The following CPNE7 variants were observed in gnomAD, a reference collection of about 807,000 sequenced individuals.
CPNE7 encodes the protein copine-7.
A neutral mutation model predicts 66.5 loss-of-function variants in CPNE7; 78 were observed. That is an observed-to-expected ratio of 1.17 (90% confidence interval 0.98 to 1.42). CPNE7 has a LOEUF of 1.42. Ranked by LOEUF, CPNE7 falls within the 40% of genes most tolerant of loss-of-function variation. The pLI is 0.00. For synonymous variants in CPNE7, 468 were observed against 336.7 expected (o/e 1.39, Z -4.27); for missense variants, 1,012 against 776.6 (o/e 1.30, Z -3.60).
At chr16:89,578,867 A>C in intron 2 of CPNE7, 2 of 1,611,832 alleles carry the variant, frequency 1.2e-6, no homozygotes, top group South Asian at 2.2e-5. Flanking sequence ...CCAGCCCAAA[A>C]GTGGCTTCTG....
At chr16:89,577,852 C>T (rs963712394) in intron 2 of CPNE7, 131 bp downstream of exon 2, 2 of 709,434 alleles carry the variant, frequency 2.8e-6, no homozygotes, top group African/African-American at 1.8e-5. Flanking sequence ...TCCTCAGCTC[C>T]TCCTGAACAG....
intron 2 of CPNE7, among the ~76,000 whole-genome samples, chr16:89,579,828 ACACCCATCACACGGAACATCT>A (rs1487846156): frequency 5.0e-5 from 2 of 40,314 alleles, no homozygotes; most frequent in East Asian, 5.1e-4. Context: ...GGAACATCCC[ACACCCATCACACGGAACATCT>A]CACCCATCAC....
intron 13 of CPNE7, among the ~76,000 whole-genome samples, chr16:89,591,499 C>T (rs966913382): frequency 2.6e-5 from 4 of 152,348 alleles, no homozygotes; most frequent in African/African-American, 9.6e-5. Context: ...TGCAGCGAGG[C>T]TGCCCCTCTC....
chr16:89,583,434 T>G, intron 2 of CPNE7: 1 of 1,549,820 alleles, frequency 6.5e-7, no homozygotes, highest in Non-Finnish European at 8.7e-7. Context: ...TTTCCTCACC[T>G]GGTAAATAGG....
At position 89,588,739 on chromosome 16, in the gene CPNE7, A is replaced by G. The variant is rs1597713086; in HGVS notation, c.992A>G (p.Asn331Ser). Residue 331 changes from asparagine (N) to serine (S), a missense_variant, in exon 10 of 15, where the codon AAC (asparagine) becomes AGC (serine). Transcript: ENST00000319518. ...AACAGCTGCTCCCTGCACTACATCA[A>G]CCCCTACCAGCCGAACGAGTACCTG... ...PRNSCSLHYINPYQPNEYLKA... is the reference protein window; with the variant it reads ...PRNSCSLHYISPYQPNEYLKA... 1 of 1,613,248 alleles carries G rather than the reference A, an allele frequency of 6.2e-7. No homozygotes were observed.
Position 89,575,962 on chromosome 16 carries a change from CG to C in CPNE7, c.66del (p.Lys23ArgfsTer104). ...TPGGLPAPCA[S>X]KVELRLSCRH... The stretch of plus-strand genomic sequence containing the variant: ...GGGGGTTTGCCCGCGCCCTGCGCCT[CG>C]AAGGTGGAGCTGCGGCTCAGCTGCC... On this transcript the variant is annotated frameshift_variant, in exon 1 of 15. Coordinates refer to ENST00000319518, the MANE Select transcript of CPNE7 (RefSeq NM_153636.3). LOFTEE classifies it high-confidence loss of function. The C allele has an allele frequency of 7.4e-7, 1 of 1,359,378 alleles. No individual in the cohort carries two copies. Among genetic ancestry groups the C allele is most frequent in the Non-Finnish European group, 9.5e-7 (1 of 1,054,718 alleles). The allele number at this position is 1,359,378 out of a possible 1,614,324, so 84.2% of individuals were successfully genotyped here. A position where few individuals can be genotyped will look rare whatever the true frequency, so the allele number is the denominator to read the frequency against.
chr16:89,581,796 C>T (rs1019302862), intron 2 of CPNE7, among the ~76,000 whole-genome samples: 1 of 152,204 alleles, frequency 6.6e-6, no homozygotes, highest in African/African-American at 2.4e-5. Flanking sequence ...AGGTGTACGC[C>T]ACCAGACCTG....
Position 89,584,421 on chromosome 16 carries a change from G to A in CPNE7, c.507+319G>A, listed in dbSNP as rs1053598213. ...TCGTGACAGGAGGAACTGGAACAGCGCGCGGTTCTGCGGGCTCGTCACGTG... is the reference window on the plus strand; with the variant it reads ...TCGTGACAGGAGGAACTGGAACAGCACGCGGTTCTGCGGGCTCGTCACGTG... On this transcript the variant is annotated intron_variant, in intron 4 of 14. Coordinates refer to ENST00000319518, the MANE Select transcript of CPNE7 (RefSeq NM_153636.3). The surrounding 1 kb of genome is among the most constrained non-coding windows in gnomAD (Gnocchi z 6.0). 5.9e-5 allele frequency among the ~76,000 whole-genome samples: 9 copies of A among 152,346 alleles called. No individual in the cohort carries two copies. The highest frequency in any genetic ancestry group is 2.6e-4 in the Admixed American group (4 of 15,310).
At chr16:89,593,631 C>T (rs1021853505) in intron 13 of CPNE7, among the ~76,000 whole-genome samples, 20 of 152,096 alleles carry the variant, frequency 1.3e-4, no homozygotes, top group Admixed American at 8.5e-4. Flanking sequence ...GGATTACAGG[C>T]GTGAGCCACC....
rs1275681902 is a variant in CPNE7 at position 89,584,137 on chromosome 16, T to G, written c.507+35T>G. The G allele has an allele frequency of 1.3e-6, 2 of 1,592,152 alleles. No homozygotes were observed. Among genetic ancestry groups the G allele is most frequent in the African/African-American group, 2.7e-5 (2 of 72,774 alleles). On this transcript the variant is annotated intron_variant, in intron 4 of 14. Coordinates refer to ENST00000319518, the MANE Select transcript of CPNE7 (RefSeq NM_153636.3). This position sits in a 1 kb window ranked among gnomAD's most constrained non-coding sequence, Gnocchi z 6.0. ...GGTGCCGGGCACGCCTGGCTCAGGC[T>G]GAGGTCCGGGAACCGGTTCGAAAAC...
At chr16:89,581,655 G>GT (rs914669850) in intron 2 of CPNE7, among the ~76,000 whole-genome samples, 6 of 151,958 alleles carry the variant, frequency 3.9e-5, no homozygotes, top group African/African-American at 7.2e-5. Flanking sequence ...TGCTTTTTTT[G>GT]TTTTTTTGAG....
intron 13 of CPNE7, among the ~76,000 whole-genome samples, chr16:89,593,821 A>G (rs2059211491): frequency 6.6e-6 from 1 of 152,200 alleles, no homozygotes; most frequent in Non-Finnish European, 1.5e-5. Flanking sequence ...TCAAAGCAGT[A>G]TTGTTCCTGG....
intron 9 of CPNE7, among the ~76,000 whole-genome samples, chr16:89,588,030 CCCGTGTCACCCG>C (rs1356652603): frequency 6.6e-5 from 1 of 15,260 alleles, no homozygotes; most frequent in African/African-American, 3.3e-4. Context: ...TACACGGCCC[CCCGTGTCACCCG>C]CGTGTCACCC....
At chr16:89,591,328 G>T (rs61740478) in intron 13 of CPNE7, 68 bp downstream of exon 13, 18 of 1,464,360 alleles carry the variant, frequency 1.2e-5, no homozygotes, top group Non-Finnish European at 1.5e-5. Context: ...GCGCGTGGAC[G>T]TCAGGGAGGC....
chr16:89,595,362 C>T lies in CPNE7; in HGVS notation c.1303-5C>T, dbSNP rs78182886. ...GTGTTGCTGATGCCTTTCCTGTGCC[C>T]CCAGCAATACTACATCCTGCTGATC... On this transcript the variant is annotated splice_region_variant and splice_polypyrimidine_tract_variant and intron_variant, in intron 13 of 14. Coordinates refer to ENST00000319518, the MANE Select transcript of CPNE7 (RefSeq NM_153636.3). 0.011 allele frequency: 17,649 copies of T among 1,557,304 alleles called. 1,110 individuals are homozygous for T. The East Asian group carries it at 0.15, about 13-fold the overall frequency.
At chr16:89,592,596 C>G (rs866263090) in intron 13 of CPNE7, among the ~76,000 whole-genome samples, 1 of 150,844 alleles carries the variant, frequency 6.6e-6, no homozygotes, top group Admixed American at 6.6e-5. Context: ...GCTCCCGCCA[C>G]CACGCCCGGC....
Position 89,577,525 on chromosome 16 carries a change from A to G in CPNE7, c.175-14A>G. On this transcript the variant is annotated splice_polypyrimidine_tract_variant and intron_variant, in intron 1 of 14. Coordinates refer to ENST00000319518, the MANE Select transcript of CPNE7 (RefSeq NM_153636.3). Reference sequence around the variant, plus strand: ...AGCCTCTGGAGTGGGGTCGGCTCACAGGTGCACTTGCAGGTGGGCAGAACC... The same window carrying G: ...AGCCTCTGGAGTGGGGTCGGCTCACGGGTGCACTTGCAGGTGGGCAGAACC... The G allele has an allele frequency of 1.3e-6, 2 of 1,550,708 alleles. No homozygotes were observed. The highest frequency in any genetic ancestry group is 1.7e-6 in the Non-Finnish European group (2 of 1,146,702).
At position 89,576,037 on chromosome 16, in the gene CPNE7, C is replaced by T; in HGVS notation, c.140C>T (p.Ala47Val). The T allele has an allele frequency of 1.5e-6, 2 of 1,328,908 alleles. No homozygotes were observed. The highest frequency in any genetic ancestry group is 9.6e-7 in the Non-Finnish European group (1 of 1,039,526). 82.3% of individuals were successfully genotyped at this position (1,328,908 alleles called of 1,614,324 possible). A position where few individuals can be genotyped will look rare whatever the true frequency, so the allele number is the denominator to read the frequency against. Residue 47 changes from alanine (A) to valine (V), a missense_variant, in exon 1 of 15, where the codon GCG (alanine) becomes GTG (valine). Transcript: ENST00000319518. ...CTCACCAAGTCCGACCCCAGCGTGG[C>T]GTTGCTGCAGCAGGCGCAGGGCCAG... ...DPLTKSDPSV[A>V]LLQQAQGQWV...
chr16:89,579,397 C>T (rs983146222), intron 2 of CPNE7, among the ~76,000 whole-genome samples: 12 of 152,156 alleles, frequency 7.9e-5, no homozygotes, highest in Admixed American at 2.0e-4. Flanking sequence ...CAGAACATCC[C>T]GTCACACGGA....
Sources: gnomAD v4.1 joint callset for allele counts (sites outside exome capture counted in the v4.1 genomes callset) on GRCh38, gnomAD v4.1.1 for gene constraint, Gnocchi (gnomAD v3.1) non-coding constraint, MANE v1.5 for transcripts, NCBI Gene and HGNC (gene_info 2026-07-23, HGNC 2026-07-21) for gene names.